PDE4D: variants seen among roughly 807,000 people sequenced by gnomAD.
PDE4D encodes 3',5'-cyclic-AMP phosphodiesterase 4D.
PDE4D carries 24 observed loss-of-function variants against 87.4 expected under a neutral mutation model. The ratio of observed to expected loss-of-function variants is 0.27; its 90% confidence interval spans 0.20 to 0.39. The LOEUF is 0.39. Among genes scored for constraint, PDE4D ranks in the 10% least tolerant of loss-of-function variants. PDE4D has a pLI of 1.00. For missense variants in PDE4D, 714 were observed against 1,041.0 expected (o/e 0.69, Z 4.32); for synonymous variants, 384 against 383.2 (o/e 1.00, Z -0.02).
At chr5:60,043,935 G>A (rs187699315) in intron 2 of PDE4D, among the ~76,000 whole-genome samples, 587 of 152,134 alleles carry the variant, frequency 3.9e-3, no homozygotes, top group African/African-American at 8.1e-3. Flanking sequence ...AATATTTCAC[G>A]CTACCTTCTT....
Position 59,685,242 on chromosome 5 carries a change from T to C in PDE4D, c.455+207926A>G, listed in dbSNP as rs533261758. On this transcript the variant is annotated intron_variant, in intron 1 of 14. Coordinates refer to ENST00000340635, the MANE Select transcript of PDE4D (RefSeq NM_001104631.2). ...AGTGGCAAGGAATTTATAACTTCCT[T>C]TTGAGAACTATTTCATAGTTTAATC... Among the ~76,000 whole-genome samples the C allele has an allele frequency of 2.0e-5, 3 of 152,316 alleles. No individual in the cohort carries two copies. In the East Asian group the frequency reaches 5.8e-4, roughly 29 times the overall value.
chr5:59,126,473 G>A (rs1775420846), intron 5 of PDE4D, among the ~76,000 whole-genome samples: 1 of 152,184 alleles, frequency 6.6e-6, no homozygotes, highest in Admixed American at 6.5e-5. Flanking sequence ...AGAACAAATA[G>A]GAAAGAGGAG....
At chr5:60,478,167 T>C (rs943935217) in intron 1 of PDE4D, among the ~76,000 whole-genome samples, 1 of 152,180 alleles carries the variant, frequency 6.6e-6, no homozygotes, top group Non-Finnish European at 1.5e-5. Flanking sequence ...ATCTAAAGCA[T>C]TTAAAAAACA....
intron 1 of PDE4D, among the ~76,000 whole-genome samples, chr5:59,813,743 G>A (rs1363785796): frequency 6.6e-6 from 1 of 152,126 alleles, no homozygotes; most frequent in African/African-American, 2.4e-5. Flanking sequence ...AAATCAAATT[G>A]CAAATTTTTC....
At chr5:59,654,788 T>C (rs1335840172) in intron 1 of PDE4D, among the ~76,000 whole-genome samples, 1 of 152,158 alleles carries the variant, frequency 6.6e-6, no homozygotes, top group African/African-American at 2.4e-5. Flanking sequence ...GACTTGTCTA[T>C]AGTGGACATT....
At chr5:59,789,965 G>A (rs1296353083) in intron 1 of PDE4D, among the ~76,000 whole-genome samples, 1 of 152,224 alleles carries the variant, frequency 6.6e-6, no homozygotes, top group Non-Finnish European at 1.5e-5. Flanking sequence ...AGCAGGAAGA[G>A]TTCTTTCTGT....
At chr5:60,305,288 G>A (rs933626800) in intron 1 of PDE4D, among the ~76,000 whole-genome samples, 16 of 152,006 alleles carry the variant, frequency 1.1e-4, no homozygotes, top group Admixed American at 9.8e-4. Flanking sequence ...TGAAAAGGGA[G>A]AGAGAATTTT....
chr5:59,292,607 GT>G (rs1044325661), intron 1 of PDE4D, among the ~76,000 whole-genome samples: 1 of 152,084 alleles, frequency 6.6e-6, no homozygotes, highest in African/African-American at 2.4e-5. Context: ...CAGCACATAA[GT>G]TTTTTTAATT....
At chr5:60,122,904 G>A (rs769944780) in intron 2 of PDE4D, among the ~76,000 whole-genome samples, 2 of 152,162 alleles carry the variant, frequency 1.3e-5, no homozygotes, top group East Asian at 1.9e-4. Context: ...GTCACCTCTT[G>A]AATACTTTGC....
chr5:60,054,327 A>T (rs58883323), intron 2 of PDE4D, among the ~76,000 whole-genome samples: 71,682 of 151,956 alleles, frequency 0.47, 17,816 homozygotes, highest in Admixed American at 0.55. Flanking sequence ...AATGTGGCAT[A>T]CATACCATGG....
chr5:60,502,584 C>T lies in PDE4D; in HGVS notation n.70+19467G>A, dbSNP rs191104964. On this transcript the variant is annotated intron_variant and non_coding_transcript_variant, in intron 1 of 2. Coordinates refer to the PDE4D transcript ENST00000506510. ...TGGAAGCTGTAGACCAGAGCTGTTC[C>T]TATTCGGCCATCTTGGCTGTCCCCC... 1.1e-3 allele frequency among the ~76,000 whole-genome samples: 166 copies of T among 152,256 alleles called. 1 individual carries two copies. The highest frequency in any genetic ancestry group is 1.9e-3 in the Non-Finnish European group (129 of 68,016).
intron 1 of PDE4D, among the ~76,000 whole-genome samples, chr5:59,267,243 T>A (rs1038556303): frequency 1.3e-5 from 2 of 152,046 alleles, no homozygotes. Flanking sequence ...CAGTAATTTA[T>A]CCTGACTAAA....
intron 1 of PDE4D, among the ~76,000 whole-genome samples, chr5:59,488,757 T>C (rs1805634605): frequency 6.6e-6 from 1 of 152,030 alleles, no homozygotes. Context: ...GAGACTTGTA[T>C]GCATCTAAAT....
At chr5:60,263,805 G>A (rs1029423587) in intron 1 of PDE4D, among the ~76,000 whole-genome samples, 2 of 151,978 alleles carry the variant, frequency 1.3e-5, no homozygotes, top group Non-Finnish European at 2.9e-5. Flanking sequence ...ACTGTATAAG[G>A]CACCCTGGAA....
At chr5:60,297,781 AG>A (rs926843607) in intron 1 of PDE4D, among the ~76,000 whole-genome samples, 1 of 152,236 alleles carries the variant, frequency 6.6e-6, no homozygotes, top group African/African-American at 2.4e-5. Flanking sequence ...TTATACAGGA[AG>A]TGCCAATAAG....
rs747616885 is a variant in PDE4D at position 59,893,653 on chromosome 5, A to G, written c.-31T>C. ...CTCGCGGCTCCGCGACCTGCTGCCC[A>G]GCCCGGGTTCACCGCGCTGGCCCGA... On this transcript the variant is annotated 5_prime_UTR_variant, in exon 1 of 15. Coordinates refer to ENST00000340635, the MANE Select transcript of PDE4D (RefSeq NM_001104631.2). 1,182 of 1,450,774 alleles carry G rather than the reference A, an allele frequency of 8.1e-4. 13 individuals are homozygous for G. Among genetic ancestry groups the G allele is most frequent in the East Asian group, 1.1e-3 (39 of 33,958 alleles). The allele number at this position is 1,450,774 out of a possible 1,614,324, so 89.9% of individuals were successfully genotyped here. A position where few individuals can be genotyped will look rare whatever the true frequency, so the allele number is the denominator to read the frequency against.
chr5:59,123,455 T>C (rs1033370081), intron 5 of PDE4D, among the ~76,000 whole-genome samples: 3 of 152,366 alleles, frequency 2.0e-5, no homozygotes, highest in South Asian at 4.1e-4. Context: ...CTGCCGTTTA[T>C]ACATCTACTT....
At chr5:59,487,967 C>A (rs1319490320) in intron 1 of PDE4D, among the ~76,000 whole-genome samples, 1 of 152,146 alleles carries the variant, frequency 6.6e-6, no homozygotes, top group Non-Finnish European at 1.5e-5. Context: ...CCTGCCTTCC[C>A]CTCTGCACAT....
intron 1 of PDE4D, among the ~76,000 whole-genome samples, chr5:59,302,347 A>C (rs1770428789): frequency 6.6e-6 from 1 of 151,810 alleles, no homozygotes; most frequent in South Asian, 2.1e-4. Flanking sequence ...CTTTGCTTCA[A>C]TAAACTTCTG....
Sources: allele counts gnomAD v4.1 joint callset (sites outside exome capture counted in the v4.1 genomes callset), GRCh38; gene constraint gnomAD v4.1.1; transcripts MANE v1.5; gene names NCBI Gene and HGNC (gene_info 2026-07-23, HGNC 2026-07-21).